The following TDRP variants were observed in gnomAD, a reference collection of about 807,000 sequenced individuals.
TDRP encodes the protein testis development related protein, also known as testis development-related protein.
In TDRP, 12 loss-of-function variants were observed where a neutral mutation model predicts 10.5. The ratio of observed to expected loss-of-function variants is 1.15; its 90% CI spans 0.73 to 1.86. The LOEUF (loss-of-function observed/expected upper bound fraction) is 1.86. Among genes scored for constraint, TDRP ranks in the 40% most tolerant of loss-of-function variants. The pLI is 0.00. For synonymous variants in TDRP, 139 were observed against 95.4 expected, an observed-to-expected ratio of 1.46 and a Z score of -2.67; for missense variants, 353 against 229.2, an observed-to-expected ratio of 1.54 and a Z score of -3.49.
chr8:545,721 C>T (rs1037367224), upstream of TDRP: 4 of 152,044 alleles, frequency 2.6e-5, no homozygotes, highest in African/African-American at 9.7e-5. Context: ...GGAAGCCTCG[C>T]CCAGCCCTGG....
At chr8:543,083 G>A (rs1413250949) in intron 1 of TDRP, among the ~76,000 whole-genome samples, 7 of 152,218 alleles carry the variant, frequency 4.6e-5, no homozygotes, top group South Asian at 4.1e-4. Flanking sequence ...TGAGGCGGGC[G>A]GATCACGTGA....
chr8:544,536 C>G, intron 1 of TDRP, 114 bp downstream of exon 1: 1 of 699,388 alleles, frequency 1.4e-6, no homozygotes, highest in Non-Finnish European at 2.0e-6. Flanking sequence ...ACCTCACCTG[C>G]CCGCCCAAAC....
intron 1 of TDRP, among the ~76,000 whole-genome samples, chr8:507,689 C>A (rs1005700633): frequency 2.6e-5 from 4 of 152,110 alleles, no homozygotes; most frequent in African/African-American, 9.7e-5. Flanking sequence ...CTAAAATAAT[C>A]CAGCCAATCA....
intron 1 of TDRP, among the ~76,000 whole-genome samples, chr8:538,964 G>A (rs891998181): frequency 1.3e-5 from 2 of 152,162 alleles, no homozygotes; most frequent in African/African-American, 4.8e-5. Flanking sequence ...AACCACAAAT[G>A]CACGCATCCT....
intron 1 of TDRP, among the ~76,000 whole-genome samples, chr8:496,176 C>A (rs1230743713): frequency 6.6e-6 from 1 of 152,222 alleles, no homozygotes; most frequent in Non-Finnish European, 1.5e-5. Flanking sequence ...TATCAGCTTT[C>A]CACATCACAC....
chr8:515,072 C>A (rs1240643555), intron 1 of TDRP, among the ~76,000 whole-genome samples: 1 of 152,180 alleles, frequency 6.6e-6, no homozygotes, highest in Non-Finnish European at 1.5e-5. Flanking sequence ...GGGCTCCACT[C>A]ACCAGTTCTG....
intron 1 of TDRP, among the ~76,000 whole-genome samples, chr8:532,671 G>T (rs530472451): frequency 6.6e-6 from 1 of 152,316 alleles, no homozygotes; most frequent in Non-Finnish European, 1.5e-5. Context: ...TCTGAGTTTA[G>T]CATTAAGACT....
At chr8:516,532 G>A (rs955213622) in intron 1 of TDRP, among the ~76,000 whole-genome samples, 1 of 152,138 alleles carries the variant, frequency 6.6e-6, no homozygotes, top group East Asian at 1.9e-4. Context: ...TGTCATCAGG[G>A]AAATGCAAAT....
chr8:525,607 G>C lies in TDRP; in HGVS notation c.108+19043C>G, dbSNP rs970451855. Among the ~76,000 whole-genome samples, 5 of 152,178 alleles carry C rather than the reference G, an allele frequency of 3.3e-5. No homozygotes were observed. The East Asian group carries it at 9.6e-4, about 29-fold the overall frequency. On this transcript the variant is annotated intron_variant, in intron 1 of 2. Coordinates refer to ENST00000324079, the MANE Select transcript of TDRP (RefSeq NM_001384899.1). ...TTTTGCTCGTTTTTTAATGCAATAAGTGTTAAATTGTCATCAGTTTACAAT... is the reference window on the plus strand; with the variant it reads ...TTTTGCTCGTTTTTTAATGCAATAACTGTTAAATTGTCATCAGTTTACAAT...
At chr8:496,304 G>T (rs1003849050) in intron 1 of TDRP, among the ~76,000 whole-genome samples, 1 of 152,188 alleles carries the variant, frequency 6.6e-6, no homozygotes, top group African/African-American at 2.4e-5. Context: ...CAGAGCATGT[G>T]GCAGGATCCT....
At chr8:514,566 A>G (rs1801704005) in intron 1 of TDRP, among the ~76,000 whole-genome samples, 1 of 152,094 alleles carries the variant, frequency 6.6e-6, no homozygotes, top group South Asian at 2.1e-4. Flanking sequence ...GACCTCAGAA[A>G]CACATGACCT....
intron 1 of TDRP, among the ~76,000 whole-genome samples, chr8:521,314 G>C (rs1051149701): frequency 1.4e-4 from 21 of 151,870 alleles, no homozygotes; most frequent in Admixed American, 1.2e-3. Flanking sequence ...CTACTTGGGA[G>C]GCTGAGGCAG....
intron 1 of TDRP, among the ~76,000 whole-genome samples, chr8:529,446 A>G (rs889568787): frequency 1.3e-5 from 2 of 152,146 alleles, no homozygotes; most frequent in Non-Finnish European, 2.9e-5. Flanking sequence ...TTTTGTCCAC[A>G]TATTTCCCTT....
intron 1 of TDRP, among the ~76,000 whole-genome samples, chr8:543,540 T>C (rs1177967188): frequency 1.3e-5 from 2 of 151,090 alleles, no homozygotes; most frequent in African/African-American, 2.4e-5. Context: ...AGAGTAACTA[T>C]AACATTCTGA....
chr8:533,958 G>A (rs1046237238), intron 1 of TDRP, among the ~76,000 whole-genome samples: 4 of 152,126 alleles, frequency 2.6e-5, no homozygotes, highest in African/African-American at 9.7e-5. Flanking sequence ...ACACTGTCAT[G>A]TTTACTGTAT....
chr8:498,410 C>G (rs1218121180), intron 1 of TDRP, among the ~76,000 whole-genome samples: 3 of 152,220 alleles, frequency 2.0e-5, no homozygotes, highest in African/African-American at 7.2e-5. Flanking sequence ...GGGTTTCAGA[C>G]TGTAGCCCCT....
At position 491,767 on chromosome 8, in the gene TDRP, G is replaced by A. The variant is rs1800983516; in HGVS notation, c.*632C>T. ...AATAAAATTCCAAAAAAGAACCACT[G>A]TTACTATCCAGTGGACATACAAGAA... is the stretch of plus-strand genomic sequence containing the variant. On this transcript the variant is annotated 3_prime_UTR_variant, in exon 3 of 3. Transcript: ENST00000324079. 7.2e-7 allele frequency: 1 copy of A among 1,385,636 alleles called. No homozygotes were observed. Among genetic ancestry groups the A allele is most frequent in the Non-Finnish European group, 9.3e-7 (1 of 1,078,536 alleles). 85.8% of individuals were successfully genotyped at this position (1,385,636 alleles called of 1,614,324 possible).
At chr8:495,016 G>A in intron 1 of TDRP, 2 of 157,132 alleles carry the variant, frequency 1.3e-5, no homozygotes, top group Non-Finnish European at 2.8e-5. Flanking sequence ...AGGATTACTT[G>A]AGCCCAGGAG....
At chr8:508,929 T>A (rs2116769993) in intron 1 of TDRP, among the ~76,000 whole-genome samples, 1 of 152,336 alleles carries the variant, frequency 6.6e-6, no homozygotes, top group Admixed American at 6.5e-5. Flanking sequence ...ATGTTCCTGC[T>A]TCAAATGGGA....
Sources: allele counts gnomAD v4.1 joint callset (sites outside exome capture counted in the v4.1 genomes callset), GRCh38; gene constraint gnomAD v4.1.1; transcripts MANE v1.5; gene names NCBI Gene and HGNC (gene_info 2026-07-23, HGNC 2026-07-21).